The following MTA3 variants were observed in gnomAD, a reference collection of about 807,000 sequenced individuals.
The protein encoded by MTA3 is metastasis associated 1 family member 3, also known as metastasis-associated protein MTA3.
A neutral mutation model predicts 83.5 loss-of-function variants in MTA3; 34 were observed. The ratio of observed to expected loss-of-function variants is 0.41; its 90% CI spans 0.31 to 0.54. The LOEUF (loss-of-function observed/expected upper bound fraction) is 0.54. Among genes scored for constraint, MTA3 ranks in the 20% least tolerant of loss-of-function variants. The pLI, the probability that MTA3 is intolerant of heterozygous loss-of-function variation, is 0.33. For synonymous variants in MTA3, 303 were observed against 252.7 expected (o/e 1.20, Z -1.89); for missense variants, 761 against 726.4 (o/e 1.05, Z -0.55).
In MTA3 at chr2:42,659,775, A is replaced by G; in HGVS notation, c.615A>G (p.Thr205=). The G allele has an allele frequency of 1.3e-6, 2 of 1,598,894 alleles. No homozygotes were observed. Among genetic ancestry groups the G allele is most frequent in the East Asian group, 4.6e-5 (2 of 43,644 alleles). Residue 205 remains threonine (T), a synonymous_variant, in exon 8 of 17, where the codon ACA becomes ACG. Transcript: ENST00000405094. ...GTGGTTTATTCAGTGCTGTTGGGAC[A>G]TTCGCCAGAGCCCTGGATTGCAGCA... ...QFLVVARAVG[T]FARALDCSSS...
chr2:42,625,734 G>A (rs1168909646), intron 4 of MTA3, among the ~76,000 whole-genome samples: 32 of 134,088 alleles, frequency 2.4e-4, no homozygotes, highest in Non-Finnish European at 9.3e-5. Context: ...GTAACAGAGC[G>A]AGACTCCATC....
intron 4 of MTA3, among the ~76,000 whole-genome samples, chr2:42,611,576 G>T (rs182404302): frequency 6.6e-6 from 1 of 152,210 alleles, no homozygotes; most frequent in Non-Finnish European, 1.5e-5. Context: ...TCTTTGGGAG[G>T]CCTAGGTGGG....
At chr2:42,583,561 T>C (rs1443573994) in intron 3 of MTA3, among the ~76,000 whole-genome samples, 2 of 152,068 alleles carry the variant, frequency 1.3e-5, no homozygotes, top group Non-Finnish European at 2.9e-5. Context: ...TGAGATAGAG[T>C]CTTGCTCTAT....
In MTA3 at chr2:42,592,121, G is replaced by A. The variant is rs752122594; in HGVS notation, c.190+12921G>A. 1.0e-3 allele frequency among the ~76,000 whole-genome samples: 157 copies of A among 152,100 alleles called. 1 individual carries two copies. The highest frequency in any genetic ancestry group is 3.3e-4 in the Admixed American group (5 of 15,260). ...TCTACAAAAAATATAAAAATTAGCC[G>A]GGTTTGGTGGTAAACACCTGTAGTC... On this transcript the variant is annotated intron_variant, in intron 3 of 16. Transcript: ENST00000405094.
At chr2:42,631,565 A>G (rs1422633188) in intron 4 of MTA3, among the ~76,000 whole-genome samples, 1 of 152,198 alleles carries the variant, frequency 6.6e-6, no homozygotes, top group African/African-American at 2.4e-5. Flanking sequence ...TACAAGATAT[A>G]TTTTGACAGA....
At chr2:42,505,770 A>ATT (rs370638507) in intron 2 of MTA3, among the ~76,000 whole-genome samples, 16,008 of 139,072 alleles carry the variant, frequency 0.12, 1,151 homozygotes, top group African/African-American at 0.16. Context: ...CAAATTGATA[A>ATT]TTTTTTTTTT....
intron 2 of MTA3, among the ~76,000 whole-genome samples, chr2:42,535,762 C>T (rs943609932): frequency 1.3e-5 from 2 of 151,946 alleles, no homozygotes; most frequent in African/African-American, 4.8e-5. Context: ...TAAGTGTTGA[C>T]CTGTCACTCT....
intron 10 of MTA3, among the ~76,000 whole-genome samples, chr2:42,696,381 T>C (rs138454993): frequency 1.2e-4 from 19 of 152,360 alleles, no homozygotes; most frequent in African/African-American, 4.6e-4. Flanking sequence ...TCAAATATCC[T>C]AAATTCAGGT....
chr2:42,544,760 C>G (rs1361691743), intron 2 of MTA3, among the ~76,000 whole-genome samples: 2 of 152,082 alleles, frequency 1.3e-5, no homozygotes, highest in African/African-American at 4.8e-5. Context: ...ATTCTGACAT[C>G]AGAAATTCTA....
chr2:42,649,413 CAA>C (rs575738534), intron 6 of MTA3, among the ~76,000 whole-genome samples: 1 of 130,084 alleles, frequency 7.7e-6, no homozygotes, highest in African/African-American at 2.9e-5. Flanking sequence ...ACTCCCTCTC[CAA>C]AAAAAAAAAA....
intron 4 of MTA3, among the ~76,000 whole-genome samples, chr2:42,639,921 A>T (rs1263330886): frequency 6.6e-6 from 1 of 152,186 alleles, no homozygotes; most frequent in Non-Finnish European, 1.5e-5. Flanking sequence ...AGTATTGCAT[A>T]TTAGGATTTA....
At chr2:42,741,811 A>C (rs1244388143) in intron 16 of MTA3, among the ~76,000 whole-genome samples, 1 of 152,244 alleles carries the variant, frequency 6.6e-6, no homozygotes, top group Admixed American at 6.5e-5. Context: ...ACAGATCAAC[A>C]TAACAGATAT....
intron 2 of MTA3, among the ~76,000 whole-genome samples, chr2:42,516,213 C>T (rs180991592): frequency 6.6e-6 from 1 of 152,076 alleles, no homozygotes; most frequent in African/African-American, 2.4e-5. Context: ...CCGCTCCTGG[C>T]GCAGTGTTTA....
At chr2:42,587,646 G>A (rs1197851612) in intron 3 of MTA3, among the ~76,000 whole-genome samples, 1 of 152,008 alleles carries the variant, frequency 6.6e-6, no homozygotes, top group African/African-American at 2.4e-5. Context: ...ACCCAGGCTG[G>A]AGTGTAGTGG....
intron 2 of MTA3, among the ~76,000 whole-genome samples, chr2:42,513,468 A>G (rs1674990770): frequency 6.6e-6 from 1 of 152,218 alleles, no homozygotes. Flanking sequence ...CACCCAGGAA[A>G]AGGGATAGAC....
chr2:42,510,533 C>T (rs1292929937), intron 2 of MTA3, among the ~76,000 whole-genome samples: 1 of 152,146 alleles, frequency 6.6e-6, no homozygotes, highest in African/African-American at 2.4e-5. Context: ...GGGAACTGTT[C>T]ACTATTGAAT....
chr2:42,516,158 C>G (rs1169097829), intron 2 of MTA3, among the ~76,000 whole-genome samples: 3 of 151,440 alleles, frequency 2.0e-5, no homozygotes, highest in Admixed American at 6.6e-5. Context: ...ACCTCATGAT[C>G]TGCCCGCCTC....
At chr2:42,538,722 AAAAAG>A (rs1676373292) in intron 2 of MTA3, among the ~76,000 whole-genome samples, 71 of 149,664 alleles carry the variant, frequency 4.7e-4, no homozygotes, top group Non-Finnish European at 3.4e-4. Context: ...AAAAAAAAAA[AAAAAG>A]AAAAAGAAAA....
At chr2:42,634,209 G>A (rs1337733348) in intron 4 of MTA3, among the ~76,000 whole-genome samples, 5 of 152,174 alleles carry the variant, frequency 3.3e-5, no homozygotes, top group Admixed American at 3.3e-4. Flanking sequence ...CTGATATATA[G>A]AGTCATTGTA....
Sources: gnomAD v4.1 joint callset for allele counts (sites outside exome capture counted in the v4.1 genomes callset) on GRCh38, gnomAD v4.1.1 for gene constraint, MANE v1.5 for transcripts, NCBI Gene and HGNC (gene_info 2026-07-23, HGNC 2026-07-21) for gene names.